Variants in IL1RAPL1 observed in about 807,000 individuals in gnomAD.
IL1RAPL1 encodes interleukin 1 receptor accessory protein like 1.
In IL1RAPL1, 3 loss-of-function variants were observed where a neutral mutation model predicts 48.4. The observed-to-expected ratio is 0.06, with a 90% CI of 0.03 to 0.16. The LOEUF (loss-of-function observed/expected upper bound fraction) is 0.16, where lower values mean the gene tolerates loss of function less well. Among genes scored for constraint, IL1RAPL1 ranks in the 10% least tolerant of loss-of-function variants. The probability of loss-of-function intolerance (pLI) is 1.00; values close to 1 mark genes in which losing one functional copy is unlikely to be tolerated. For missense variants in IL1RAPL1, 349 were observed against 530.6 expected (o/e 0.66, Z 3.36); for synonymous variants, 185 against 187.7 (o/e 0.99, Z 0.12).
intron 2 of IL1RAPL1, among the ~76,000 whole-genome samples, chrX:28,998,254 C>T (rs112743912): frequency 0.02 from 2,215 of 109,992 alleles, 65 homozygotes; most frequent in African/African-American, 0.07. Flanking sequence ...GAAATAACAA[C>T]TGAGACTATT....
intron 2 of IL1RAPL1, among the ~76,000 whole-genome samples, chrX:29,109,364 C>T (rs1409757571): frequency 9.5e-6 from 1 of 105,160 alleles, no homozygotes; most frequent in Non-Finnish European, 1.9e-5. Context: ...TGGGGTAGCT[C>T]AAGGGAAATG....
At chrX:28,735,784 T>TA (rs371254148) in intron 1 of IL1RAPL1, among the ~76,000 whole-genome samples, 31 of 108,048 alleles carry the variant, frequency 2.9e-4, no homozygotes, top group African/African-American at 6.7e-4. Flanking sequence ...AGTATAAAAT[T>TA]AAAAAAAAAA....
chrX:29,396,068 T>C (rs1338317990), intron 3 of IL1RAPL1, among the ~76,000 whole-genome samples, 190 bp from the exon 4 acceptor site: 1 of 112,728 alleles, frequency 8.9e-6, no homozygotes, highest in Non-Finnish European at 1.9e-5. Flanking sequence ...AAATATACAT[T>C]TAGCTTCACA....
chrX:28,831,022 CTCTCTG>C lies in IL1RAPL1; in HGVS notation c.82+41599_82+41604del, dbSNP rs1403782617. Among the ~76,000 whole-genome samples, 8 of 64,993 alleles carry C rather than the reference CTCTCTG, an allele frequency of 1.2e-4. No homozygotes were observed. In the South Asian group the frequency reaches 3.2e-3, roughly 26 times the overall value. The allele number at this position is 64,993 out of a possible 115,157, so 56.4% of individuals were successfully genotyped here. ...TCTCTCTCTCTCTCTCTCTCTCTCT[CTCTCTG>C]TGTGTGTGTGTGTGTGTGTGTGTGT... On this transcript the variant is annotated intron_variant, in intron 2 of 10. Transcript: ENST00000378993.
intron 6 of IL1RAPL1, among the ~76,000 whole-genome samples, chrX:29,687,026 G>A (rs1391524466): frequency 1.8e-5 from 2 of 109,640 alleles, no homozygotes; most frequent in Non-Finnish European, 3.8e-5. Flanking sequence ...AGGATATGGA[G>A]AATAAACCCT....
intron 1 of IL1RAPL1, among the ~76,000 whole-genome samples, chrX:28,701,295 G>A (rs1254988021): frequency 2.7e-5 from 3 of 111,896 alleles, no homozygotes; most frequent in Non-Finnish European, 5.6e-5. Flanking sequence ...TTATTCAAGT[G>A]ACATCCATGG....
At chrX:29,349,792 C>G (rs1933198769) in intron 3 of IL1RAPL1, among the ~76,000 whole-genome samples, 1 of 110,240 alleles carries the variant, frequency 9.1e-6, no homozygotes, top group Admixed American at 9.8e-5. Flanking sequence ...GCCTCCTCTT[C>G]CAGTAACGCA....
At chrX:28,953,906 G>T (rs1924535363) in intron 2 of IL1RAPL1, among the ~76,000 whole-genome samples, 2 of 111,029 alleles carry the variant, frequency 1.8e-5, no homozygotes, top group Non-Finnish European at 3.8e-5. Context: ...AATACCATTG[G>T]CATTACATTT....
chrX:29,577,483 C>T (rs1250320815), intron 5 of IL1RAPL1, among the ~76,000 whole-genome samples: 2 of 111,756 alleles, frequency 1.8e-5, no homozygotes, highest in African/African-American at 3.3e-5. Flanking sequence ...CAAAAGTAGG[C>T]TTCCCTTTCT....
intron 2 of IL1RAPL1, among the ~76,000 whole-genome samples, chrX:29,005,970 A>G (rs1323615109): frequency 8.9e-6 from 1 of 112,004 alleles, no homozygotes; most frequent in Non-Finnish European, 1.9e-5. Flanking sequence ...ATGTGCAAAA[A>G]GAGAGAGAAA....
intron 2 of IL1RAPL1, among the ~76,000 whole-genome samples, chrX:28,890,833 G>A (rs1922753277): frequency 8.9e-6 from 1 of 111,960 alleles, no homozygotes; most frequent in Non-Finnish European, 1.9e-5. Context: ...GAAACCACTG[G>A]TAGCTCTTTC....
chrX:29,418,114 TATATATATA>T (rs1350533166), intron 5 of IL1RAPL1, among the ~76,000 whole-genome samples: 62 of 50,957 alleles, frequency 1.2e-3, no homozygotes, highest in Non-Finnish European at 1.4e-3. Flanking sequence ...TATATATATA[TATATATATA>T]TATTTTTTTT....
At chrX:29,042,345 T>G (rs928083908) in intron 2 of IL1RAPL1, among the ~76,000 whole-genome samples, 28 of 111,534 alleles carry the variant, frequency 2.5e-4, no homozygotes, top group Non-Finnish European at 4.9e-4. Context: ...TAGGCCCCAC[T>G]CTTCTCTAGT....
chrX:29,571,169 C>T lies in IL1RAPL1; in HGVS notation c.704-97261C>T, dbSNP rs1468604056. Among the ~76,000 whole-genome samples, 6 of 110,883 alleles carry T rather than the reference C, an allele frequency of 5.4e-5. No individual in the cohort carries two copies. In the Admixed American group the frequency reaches 5.8e-4, roughly 11 times the overall value. ...CCCAGGAGGTGGAGCTTGCAGTGAG[C>T]CGAGATCGCGCCACTGCATTCCAGC... On this transcript the variant is annotated intron_variant, in intron 5 of 10. Transcript: ENST00000378993.
intron 1 of IL1RAPL1, among the ~76,000 whole-genome samples, chrX:28,699,675 C>G (rs951644454): frequency 5.4e-5 from 6 of 111,570 alleles, no homozygotes; most frequent in African/African-American, 1.6e-4. Context: ...TTTGTTGAAG[C>G]CTCATCGTTG....
chrX:29,378,674 C>T (rs745935770), intron 3 of IL1RAPL1, among the ~76,000 whole-genome samples: 2 of 112,268 alleles, frequency 1.8e-5, no homozygotes, highest in East Asian at 5.6e-4. Context: ...GGGCTGCAAT[C>T]CTGTAGATGG....
At chrX:28,815,453 A>C (rs377286358) in intron 2 of IL1RAPL1, among the ~76,000 whole-genome samples, 50 of 110,380 alleles carry the variant, frequency 4.5e-4, no homozygotes, top group African/African-American at 1.4e-3. Context: ...CTTTCTTTAC[A>C]GTAGGAACAT....
At chrX:29,779,702 G>A (rs761700151) in intron 6 of IL1RAPL1, among the ~76,000 whole-genome samples, 1 of 111,817 alleles carries the variant, frequency 8.9e-6, no homozygotes, top group South Asian at 3.7e-4. Context: ...TTAGGAAGTT[G>A]TTGTACTATA....
At chrX:29,754,331 G>A (rs968888953) in intron 6 of IL1RAPL1, among the ~76,000 whole-genome samples, 1 of 110,877 alleles carries the variant, frequency 9.0e-6, no homozygotes, top group Non-Finnish European at 1.9e-5. Context: ...AAAATTCCTG[G>A]GAGTTATTCT....
Sources: allele counts gnomAD v4.1 joint callset (sites outside exome capture counted in the v4.1 genomes callset), GRCh38; gene constraint gnomAD v4.1.1; transcripts MANE v1.5; gene names NCBI Gene and HGNC (gene_info 2026-07-23, HGNC 2026-07-21).